Variants in PKN2 observed in about 807,000 individuals in gnomAD.
The protein encoded by PKN2 is serine/threonine-protein kinase N2.
PKN2 carries 38 observed loss-of-function variants against 119.1 expected under a neutral mutation model. The observed-to-expected ratio is 0.32, with a 90% CI of 0.25 to 0.42. PKN2 has a LOEUF of 0.42. Ranked by LOEUF, PKN2 falls within the 10% of genes least tolerant of loss-of-function variation. The probability of loss-of-function intolerance (pLI) is 1.00; values close to 1 mark genes in which losing one functional copy is unlikely to be tolerated. For missense variants in PKN2, 850 were observed against 1,165.1 expected, an observed-to-expected ratio of 0.73 and a Z score of 3.94; for synonymous variants, 390 against 384.9, an observed-to-expected ratio of 1.01 and a Z score of -0.15.
intron 3 of PKN2, among the ~76,000 whole-genome samples, chr1:88,765,616 A>G (rs1669637997): frequency 1.3e-5 from 2 of 152,136 alleles, no homozygotes; most frequent in African/African-American, 4.8e-5. Context: ...TGAGTTCTTT[A>G]GTGGAAGTGG....
chr1:88,701,727 A>G (rs778359684), intron 1 of PKN2, among the ~76,000 whole-genome samples: 55 of 152,250 alleles, frequency 3.6e-4, no homozygotes, highest in Admixed American at 1.8e-3. Context: ...ATTGTTTTCA[A>G]TAAATCCGAG....
At chr1:88,781,890 A>G (rs1670360281) in intron 6 of PKN2, among the ~76,000 whole-genome samples, 1 of 152,132 alleles carries the variant, frequency 6.6e-6, no homozygotes, top group Non-Finnish European at 1.5e-5. Context: ...GATATAATTA[A>G]TGTGTTATCA....
intron 1 of PKN2, among the ~76,000 whole-genome samples, chr1:88,713,383 A>G (rs1041417162): frequency 6.6e-6 from 1 of 152,100 alleles, no homozygotes; most frequent in East Asian, 1.9e-4. Flanking sequence ...ACTAGTTTAC[A>G]CTCCCACCAA....
At chr1:88,714,295 G>T (rs1293744292) in intron 1 of PKN2, among the ~76,000 whole-genome samples, 5 of 152,312 alleles carry the variant, frequency 3.3e-5, no homozygotes, top group Non-Finnish European at 7.4e-5. Flanking sequence ...GAACTTTAAA[G>T]TAGTTTTTTC....
chr1:88,800,521 A>G (rs1437136367), intron 8 of PKN2, among the ~76,000 whole-genome samples: 2 of 152,140 alleles, frequency 1.3e-5, no homozygotes, highest in African/African-American at 2.4e-5. Flanking sequence ...TGACATCACC[A>G]GAAGGAATAT....
chr1:88,757,380 T>A lies in PKN2; in HGVS notation c.350-2842T>A, dbSNP rs908726227. On this transcript the variant is annotated intron_variant, in intron 2 of 21. Coordinates refer to ENST00000370521, the MANE Select transcript of PKN2 (RefSeq NM_006256.4). Reference sequence around the variant, plus strand: ...TGTCTGACTTGGTTGCCCAGGCTGGTCTCAAACTCCTGGCCTTAAGTGATT... The same window carrying A: ...TGTCTGACTTGGTTGCCCAGGCTGGACTCAAACTCCTGGCCTTAAGTGATT... 1.3e-5 allele frequency among the ~76,000 whole-genome samples: 2 copies of A among 152,226 alleles called. 1 individual carries two copies. The highest frequency in any genetic ancestry group is 4.8e-5 in the African/African-American group (2 of 41,468).
chr1:88,705,560 G>T (rs776158401), intron 1 of PKN2, among the ~76,000 whole-genome samples: 1 of 151,768 alleles, frequency 6.6e-6, no homozygotes, highest in Non-Finnish European at 1.5e-5. Flanking sequence ...TTAGCCGGTT[G>T]TGGTGGCAGG....
Position 88,824,008 on chromosome 1 carries a change from CAAA to C in PKN2, c.2343-287_2343-285del, listed in dbSNP as rs3061489. On this transcript the variant is annotated intron_variant, in intron 17 of 21. Coordinates refer to ENST00000370521, the MANE Select transcript of PKN2 (RefSeq NM_006256.4). The stretch of plus-strand genomic sequence containing the variant: ...TGGGTGACAAAGTGAGACTCTGTCT[CAAA>C]AAAAAAAAAAAAAAGGATTAAATTA... 3.1e-3 allele frequency among the ~76,000 whole-genome samples: 362 copies of C among 117,062 alleles called. 1 individual carries two copies. The highest frequency in any genetic ancestry group is 0.01 in the African/African-American group (342 of 33,232). The allele number at this position is 117,062 out of a possible 152,430, so 76.8% of individuals were successfully genotyped here. A position where few individuals can be genotyped will look rare whatever the true frequency, so the allele number is the denominator to read the frequency against.
intron 6 of PKN2, among the ~76,000 whole-genome samples, chr1:88,780,400 G>A (rs1404759863): frequency 1.3e-5 from 2 of 151,948 alleles, no homozygotes; most frequent in Admixed American, 6.6e-5. Context: ...AGAAAGCTTG[G>A]GAACCTCTGA....
intron 2 of PKN2, among the ~76,000 whole-genome samples, chr1:88,754,228 AT>A (rs536398972): frequency 3.3e-5 from 5 of 150,210 alleles, no homozygotes; most frequent in Non-Finnish European, 7.4e-5. Context: ...ATTGGAGCTT[AT>A]TTTTTTTTCT....
intron 6 of PKN2, among the ~76,000 whole-genome samples, chr1:88,783,016 T>G (rs1320215229): frequency 6.6e-6 from 1 of 152,248 alleles, no homozygotes; most frequent in Non-Finnish European, 1.5e-5. Flanking sequence ...GTAATTATTC[T>G]CTACTGCTGG....
intron 19 of PKN2, among the ~76,000 whole-genome samples, 195 bp downstream of exon 19, chr1:88,828,818 C>T (rs1490212888): frequency 6.6e-6 from 1 of 152,116 alleles, no homozygotes; most frequent in Non-Finnish European, 1.5e-5. Flanking sequence ...GTGGAATGCA[C>T]TATCAGTGCT....
chr1:88,800,217 C>T (rs1283955873), intron 8 of PKN2, among the ~76,000 whole-genome samples: 1 of 152,088 alleles, frequency 6.6e-6, no homozygotes, highest in African/African-American at 2.4e-5. Context: ...GTCCCTAGAC[C>T]TAAAGAAATA....
At chr1:88,797,290 C>T (rs1671113076) in intron 8 of PKN2, among the ~76,000 whole-genome samples, 2 of 149,776 alleles carry the variant, frequency 1.3e-5, no homozygotes, top group South Asian at 4.2e-4. Context: ...GCTGAGGTTG[C>T]ACCATTGCAC....
intron 6 of PKN2, among the ~76,000 whole-genome samples, chr1:88,783,101 A>T (rs867464732): frequency 5.9e-5 from 9 of 152,224 alleles, no homozygotes; most frequent in African/African-American, 1.9e-4. Flanking sequence ...GGTAACAAAC[A>T]CTATTCCTAC....
chr1:88,758,874 A>G (rs1351971278), intron 2 of PKN2, among the ~76,000 whole-genome samples: 2 of 152,224 alleles, frequency 1.3e-5, no homozygotes, highest in Non-Finnish European at 2.9e-5. Context: ...TTATGACAGA[A>G]CGATTTATAT....
intron 3 of PKN2, among the ~76,000 whole-genome samples, chr1:88,768,517 G>T (rs1669754797): frequency 6.6e-6 from 1 of 152,140 alleles, no homozygotes; most frequent in Non-Finnish European, 1.5e-5. Context: ...AAGGACCCTT[G>T]TGATTACATT....
At chr1:88,756,421 C>T (rs565976153) in intron 2 of PKN2, among the ~76,000 whole-genome samples, 241 of 152,212 alleles carry the variant, frequency 1.6e-3, no homozygotes, top group Middle Eastern at 3.4e-3. Flanking sequence ...AATTCTCTGT[C>T]TTGTGGGGAA....
chr1:88,706,900 CAT>C, intron 1 of PKN2, among the ~76,000 whole-genome samples: 1 of 152,056 alleles, frequency 6.6e-6, no homozygotes, highest in Non-Finnish European at 1.5e-5. Context: ...CTTTCTAATT[CAT>C]TCCATTTTGG....
Sources: gnomAD v4.1 joint callset for allele counts (sites outside exome capture counted in the v4.1 genomes callset) on GRCh38, gnomAD v4.1.1 for gene constraint, MANE v1.5 for transcripts, NCBI Gene and HGNC (gene_info 2026-07-23, HGNC 2026-07-21) for gene names.